The following TNFSF4 variants were observed in gnomAD, a reference collection of about 807,000 sequenced individuals.
TNFSF4 encodes the protein TNF superfamily member 4.
A neutral mutation model predicts 7.3 loss-of-function variants in TNFSF4; 4 were observed. That is an observed-to-expected ratio of 0.55 (90% CI 0.27 to 1.25). The LOEUF is 1.25. TNFSF4 is among the 50% of genes most tolerant of loss of function. The pLI, the probability that TNFSF4 is intolerant of heterozygous loss-of-function variation, is 0.12. For missense variants in TNFSF4, 181 were observed against 208.8 expected (o/e 0.87, Z 0.82); for synonymous variants, 76 against 83.7 (o/e 0.91, Z 0.50).
At chr1:173,407,619 T>C in the TNFSF4 span, among the ~76,000 whole-genome samples, 646 of 150,718 alleles carry the variant, frequency 4.3e-3, 2 homozygotes, top group African/African-American at 0.015. Context: ...AGAATGAATC[T>C]GTGCTGCTGT....
chr1:173,274,124 T>TACACACACACAC, the TNFSF4 span, among the ~76,000 whole-genome samples: 2,950 of 145,420 alleles, frequency 0.02, 37 homozygotes, highest in African/African-American at 0.024. Flanking sequence ...TCCATGTTCA[T>TACACACACACAC]ACACACACAC....
chr1:173,286,151 A>G, the TNFSF4 span, among the ~76,000 whole-genome samples: 1 of 152,216 alleles, frequency 6.6e-6, no homozygotes, highest in Non-Finnish European at 1.5e-5. Context: ...AAAACTCAAA[A>G]TTGTTACAAT....
chr1:173,245,495 G>T, the TNFSF4 span, among the ~76,000 whole-genome samples: 2 of 152,030 alleles, frequency 1.3e-5, no homozygotes, highest in African/African-American at 4.8e-5. Flanking sequence ...CATATTTATG[G>T]GGTACAGCGT....
chr1:173,378,937 G>A, the TNFSF4 span, among the ~76,000 whole-genome samples: 2 of 150,638 alleles, frequency 1.3e-5, no homozygotes, highest in African/African-American at 4.9e-5. Flanking sequence ...AGGGGAATTT[G>A]GCCCATCCCG....
the TNFSF4 span, among the ~76,000 whole-genome samples, chr1:173,390,427 T>A: frequency 1.3e-5 from 2 of 152,190 alleles, no homozygotes; most frequent in Admixed American, 1.3e-4. Flanking sequence ...CCCTGGGATT[T>A]TTCCTTTCTT....
chr1:173,419,694 C>A, the TNFSF4 span, among the ~76,000 whole-genome samples: 1 of 152,108 alleles, frequency 6.6e-6, no homozygotes, highest in Non-Finnish European at 1.5e-5. Flanking sequence ...TGGAAAGACC[C>A]ATGAGGACAC....
chr1:173,277,027 A>G, the TNFSF4 span, among the ~76,000 whole-genome samples: 3 of 152,176 alleles, frequency 2.0e-5, no homozygotes, highest in East Asian at 5.8e-4. Context: ...GTCAGCCATA[A>G]TAATAATGCT....
At chr1:173,246,904 C>G in the TNFSF4 span, among the ~76,000 whole-genome samples, 1 of 152,184 alleles carries the variant, frequency 6.6e-6, no homozygotes, top group Admixed American at 6.5e-5. Context: ...AAGTCTAAGA[C>G]AAGAACTTGC....
At chr1:173,182,413 C>A (rs1344793261), downstream of TNFSF4, among the ~76,000 whole-genome samples, 1 of 152,122 alleles carries the variant, frequency 6.6e-6, no homozygotes, top group Non-Finnish European at 1.5e-5. Context: ...TGCCCAGAAG[C>A]AGAGTAGCAG....
At chr1:173,310,220 T>C in the TNFSF4 span, among the ~76,000 whole-genome samples, 1 of 151,970 alleles carries the variant, frequency 6.6e-6, no homozygotes, top group East Asian at 1.9e-4. Context: ...CTCTAAATTC[T>C]TGAGATAGAT....
the TNFSF4 span, among the ~76,000 whole-genome samples, chr1:173,396,754 A>C: frequency 6.6e-6 from 1 of 152,182 alleles, no homozygotes; most frequent in African/African-American, 2.4e-5. Flanking sequence ...TCAAGGGTTT[A>C]GGGAAATTGG....
At chr1:173,274,398 G>A in the TNFSF4 span, among the ~76,000 whole-genome samples, 1 of 151,994 alleles carries the variant, frequency 6.6e-6, no homozygotes, top group Admixed American at 6.6e-5. Flanking sequence ...CTATAAAAAT[G>A]GAGTTCTAAA....
At chr1:173,381,370 G>T in the TNFSF4 span, among the ~76,000 whole-genome samples, 1 of 152,182 alleles carries the variant, frequency 6.6e-6, no homozygotes, top group Non-Finnish European at 1.5e-5. Context: ...TCTGAAATCA[G>T]ACAATGCCTC....
the TNFSF4 span, among the ~76,000 whole-genome samples, chr1:173,387,436 G>T: frequency 6.6e-6 from 1 of 152,154 alleles, no homozygotes; most frequent in Non-Finnish European, 1.5e-5. Context: ...GAACTTGCCA[G>T]CACCTTGATC....
At chr1:173,206,908 G>C in intron 1 of TNFSF4, 116 bp downstream of exon 1, 1 of 1,226,522 alleles carries the variant, frequency 8.2e-7, no homozygotes, top group Non-Finnish European at 1.1e-6. Context: ...TGTGGGGAGA[G>C]GGAAAAAAAA....
the TNFSF4 span, among the ~76,000 whole-genome samples, chr1:173,319,258 G>T: frequency 0.071 from 10,819 of 152,234 alleles, 439 homozygotes; most frequent in Middle Eastern, 0.12. Flanking sequence ...CCACAGTGCA[G>T]CAAAGAGACT....
chr1:173,356,053 T>G, the TNFSF4 span, among the ~76,000 whole-genome samples: 1 of 151,912 alleles, frequency 6.6e-6, no homozygotes, highest in Non-Finnish European at 1.5e-5. Context: ...ATCTACAGGG[T>G]TGCCATTCCC....
At chr1:173,375,386 C>T in the TNFSF4 span, among the ~76,000 whole-genome samples, 1 of 152,188 alleles carries the variant, frequency 6.6e-6, no homozygotes, top group Non-Finnish European at 1.5e-5. Flanking sequence ...CACCCAATTC[C>T]CAACAGCAGT....
At chr1:173,444,845 G>A in the TNFSF4 span, among the ~76,000 whole-genome samples, 9 of 152,198 alleles carry the variant, frequency 5.9e-5, no homozygotes, top group African/African-American at 1.9e-4. Flanking sequence ...GACAGGAGTG[G>A]TTGCACACTG....
Sources: allele counts gnomAD v4.1 joint callset (sites outside exome capture counted in the v4.1 genomes callset), GRCh38; gene constraint gnomAD v4.1.1; transcripts MANE v1.5; gene names NCBI Gene and HGNC (gene_info 2026-07-23, HGNC 2026-07-21).